The following RASGEF1C variants were observed in gnomAD, a reference collection of about 807,000 sequenced individuals.
RASGEF1C encodes the protein RasGEF domain family member 1C, also known as ras-GEF domain-containing family member 1C.
Under a neutral mutation model 58.1 loss-of-function variants are expected in RASGEF1C, and 27 were observed. That is an observed-to-expected ratio of 0.46 (90% CI 0.34 to 0.64). The LOEUF (loss-of-function observed/expected upper bound fraction) is 0.64. Among genes scored for constraint, RASGEF1C ranks in the 30% least tolerant of loss-of-function variants. The pLI is 0.01. For missense variants in RASGEF1C, 502 were observed against 605.1 expected, an observed-to-expected ratio of 0.83 and a Z score of 1.79; for synonymous variants, 243 against 246.3, an observed-to-expected ratio of 0.99 and a Z score of 0.13.
chr5:180,114,519 A>G lies in RASGEF1C; in HGVS notation c.1106T>C (p.Leu369Pro). Reference protein sequence around the residue: ...REKIVIPFFSLLIKDIYFLNE... With the variant: ...REKIVIPFFSPLIKDIYFLNE... ...CAGGAAGTAGATGTCTTTGATGAGC[A>G]GGCTGAAGAAAGGAATGACAATCTG... Residue 369 changes from leucine (L) to proline (P), a missense_variant, in exon 11 of 14, where the codon CTG becomes CCG. Transcript: ENST00000361132. The G allele has an allele frequency of 5.6e-6, 9 of 1,611,952 alleles. No homozygotes were observed. Among genetic ancestry groups the G allele is most frequent in the Non-Finnish European group, 7.6e-6 (9 of 1,178,560 alleles).
At chr5:180,183,420 T>A (rs1168318834) in intron 1 of RASGEF1C, among the ~76,000 whole-genome samples, 1 of 150,422 alleles carries the variant, frequency 6.6e-6, no homozygotes, top group Non-Finnish European at 1.5e-5. Flanking sequence ...AGCAAAGGGA[T>A]ATAGCTTAAA....
At chr5:180,102,467 G>A (rs2113230998) in intron 12 of RASGEF1C, among the ~76,000 whole-genome samples, 1 of 152,268 alleles carries the variant, frequency 6.6e-6, no homozygotes, top group Admixed American at 6.5e-5. Context: ...TCTTTATCTA[G>A]CCCTATATTC....
chr5:180,203,625 A>C lies in RASGEF1C; in HGVS notation c.-7+5403T>G, dbSNP rs186975220. Among the ~76,000 whole-genome samples the C allele has an allele frequency of 2.0e-5, 3 of 151,716 alleles. No individual in the cohort carries two copies. In the East Asian group the frequency reaches 5.8e-4, roughly 29 times the overall value. ...GATTCACAGAAATGATGAGCTAATA[A>C]GCCATGCGTTGCTTTAAGCCACTAG... On this transcript the variant is annotated intron_variant, in intron 1 of 13. Coordinates refer to ENST00000361132, the MANE Select transcript of RASGEF1C (RefSeq NM_175062.4).
intron 4 of RASGEF1C, 26 bp from the exon 5 acceptor site, chr5:180,128,636 A>G (rs1766306893): frequency 1.9e-6 from 3 of 1,605,714 alleles, no homozygotes; most frequent in South Asian, 2.2e-5. Flanking sequence ...AAGGGCGCTC[A>G]GGACTGAACA....
In RASGEF1C at chr5:180,190,565, A is replaced by G. The variant is rs993683712; in HGVS notation, c.-7+18463T>C. On this transcript the variant is annotated intron_variant, in intron 1 of 13. Transcript: ENST00000361132. ...ACGGTGGTACATGCCTGTGGCCCCA[A>G]CTACTTGGGGGGCTGTAGTAGGAGA... is the stretch of plus-strand genomic sequence containing the variant. 3.9e-4 allele frequency among the ~76,000 whole-genome samples: 48 copies of G among 123,516 alleles called. 1 individual carries two copies. Among genetic ancestry groups the G allele is most frequent in the African/African-American group, 1.1e-3 (43 of 38,426 alleles). 81.0% of individuals were successfully genotyped at this position (123,516 alleles called of 152,430 possible).
chr5:180,114,193 G>T (rs1766025678), intron 11 of RASGEF1C, among the ~76,000 whole-genome samples: 1 of 152,190 alleles, frequency 6.6e-6, no homozygotes, highest in Non-Finnish European at 1.5e-5. Context: ...CTCCTCAAGG[G>T]CTCAGATGGA....
chr5:180,151,634 A>G (rs1320411833), intron 1 of RASGEF1C, among the ~76,000 whole-genome samples: 16 of 152,056 alleles, frequency 1.1e-4, no homozygotes, highest in African/African-American at 3.9e-4. Context: ...AACCTAGGCA[A>G]TACCATTCAG....
intron 7 of RASGEF1C, among the ~76,000 whole-genome samples, chr5:180,120,453 G>A (rs1209400928): frequency 6.6e-6 from 1 of 151,664 alleles, no homozygotes; most frequent in Non-Finnish European, 1.5e-5. Flanking sequence ...CTGGCCCAGC[G>A]CTGCCTCCAG....
chr5:180,121,877 T>A (rs1161194929), intron 6 of RASGEF1C, among the ~76,000 whole-genome samples: 1 of 152,244 alleles, frequency 6.6e-6, no homozygotes, highest in Non-Finnish European at 1.5e-5. Context: ...ACGCTCAGAC[T>A]TGGCCTACTG....
intron 1 of RASGEF1C, among the ~76,000 whole-genome samples, chr5:180,170,019 C>T (rs1451861775): frequency 6.6e-6 from 1 of 152,204 alleles, no homozygotes; most frequent in Non-Finnish European, 1.5e-5. Flanking sequence ...CCCTGGACCC[C>T]GTTTCATTTT....
intron 1 of RASGEF1C, among the ~76,000 whole-genome samples, chr5:180,195,692 G>T (rs1390319560): frequency 1.3e-5 from 2 of 151,548 alleles, no homozygotes. Context: ...AACCCGGGAG[G>T]CGGAGCTTGC....
Position 180,135,858 on chromosome 5 carries a change from G to A in RASGEF1C, c.438+520C>T, listed in dbSNP as rs910520819. 4.6e-5 allele frequency among the ~76,000 whole-genome samples: 7 copies of A among 152,256 alleles called. 1 individual carries two copies. Among genetic ancestry groups the A allele is most frequent in the African/African-American group, 1.7e-4 (7 of 41,478 alleles). ...TGAAGGTTTGCAGCTTACCCGTGGA[G>A]GCAGAGAGGATCTCAGGAAAATCTG... On this transcript the variant is annotated intron_variant, in intron 4 of 13. Coordinates refer to ENST00000361132, the MANE Select transcript of RASGEF1C (RefSeq NM_175062.4).
intron 1 of RASGEF1C, among the ~76,000 whole-genome samples, chr5:180,150,351 G>A (rs35628771): frequency 1.8e-4 from 27 of 152,170 alleles, no homozygotes; most frequent in South Asian, 4.2e-4. Flanking sequence ...TGTCTAATAA[G>A]TCTGTCATGT....
intron 1 of RASGEF1C, among the ~76,000 whole-genome samples, chr5:180,141,719 CTTTT>C (rs55986031): frequency 5.5e-5 from 8 of 146,050 alleles, no homozygotes; most frequent in Non-Finnish European, 7.5e-5. Flanking sequence ...TTTTATCACA[CTTTT>C]TTTTTTTTTT....
intron 1 of RASGEF1C, among the ~76,000 whole-genome samples, chr5:180,161,064 A>G (rs1766936348): frequency 6.6e-6 from 1 of 152,230 alleles, no homozygotes; most frequent in Non-Finnish European, 1.5e-5. Context: ...CCATTTCCCC[A>G]TTCACACAGG....
intron 1 of RASGEF1C, among the ~76,000 whole-genome samples, chr5:180,149,088 CTTTTTTTTTTT>C (rs61204210): frequency 2.5e-4 from 27 of 110,172 alleles, no homozygotes; most frequent in Non-Finnish European, 4.3e-4. Flanking sequence ...CTTTTTTTTT[CTTTTTTTTTTT>C]TTTTTTTGAG....
At chr5:180,207,627 C>CTCCCCTGTCCGTCTG (rs373908666) in intron 1 of RASGEF1C, among the ~76,000 whole-genome samples, 1 of 30,082 alleles carries the variant, frequency 3.3e-5, no homozygotes, top group Admixed American at 4.0e-4. Context: ...CCGTCCCTCT[C>CTCCCCTGTCCGTCTG]TCGCCTGCCC....
intron 1 of RASGEF1C, among the ~76,000 whole-genome samples, chr5:180,207,375 C>T (rs754499999): frequency 7.9e-5 from 12 of 152,224 alleles, no homozygotes; most frequent in Non-Finnish European, 1.6e-4. Context: ...CTAGAGGCGG[C>T]GAGTGCACGC....
chr5:180,192,544 C>CTA (rs1301105845), intron 1 of RASGEF1C, among the ~76,000 whole-genome samples: 1 of 151,918 alleles, frequency 6.6e-6, no homozygotes, highest in Non-Finnish European at 1.5e-5. Context: ...TTCATGAAAT[C>CTA]TATATATATA....
Sources: allele counts gnomAD v4.1 joint callset (sites outside exome capture counted in the v4.1 genomes callset), GRCh38; gene constraint gnomAD v4.1.1; transcripts MANE v1.5; gene names NCBI Gene and HGNC (gene_info 2026-07-23, HGNC 2026-07-21).